Variants in CD40 observed in about 807,000 individuals in gnomAD.
CD40 encodes the protein CD40 molecule, also known as tumor necrosis factor receptor superfamily member 5.
Under a neutral mutation model 38.5 loss-of-function variants are expected in CD40, and 19 were observed. The observed-to-expected ratio is 0.49, with a 90% CI of 0.34 to 0.72. CD40 has a LOEUF of 0.72. Ranked by LOEUF, CD40 falls within the 30% of genes least tolerant of loss-of-function variation. The probability of loss-of-function intolerance (pLI) is 0.01; values close to 1 mark genes in which losing one functional copy is unlikely to be tolerated. For synonymous variants in CD40, 130 were observed against 128.7 expected (o/e 1.01, Z -0.07); for missense variants, 256 against 344.1 (o/e 0.74, Z 2.03).
At chr20:46,118,462 C>T (rs1400940499) in intron 1 of CD40, 68 bp downstream of exon 1, 1 of 1,231,740 alleles carries the variant, frequency 8.1e-7, no homozygotes, top group Non-Finnish European at 1.1e-6. Flanking sequence ...GGAAGGAAGA[C>T]TTCGGGGAAG....
chr20:46,121,784 T>A (rs1330813251), intron 1 of CD40, 36 bp from the exon 2 acceptor site: 8 of 1,544,292 alleles, frequency 5.2e-6, no homozygotes, highest in Non-Finnish European at 7.2e-6. Flanking sequence ...AACGGAGATT[T>A]CAAGATCCCT....
intron 6 of CD40, among the ~76,000 whole-genome samples, chr20:46,127,749 G>A (rs980035298): frequency 2.0e-5 from 3 of 152,024 alleles, no homozygotes; most frequent in Non-Finnish European, 2.9e-5. Context: ...GCTAGACCTC[G>A]GCATTGGGCA....
Position 46,122,159 on chromosome 20 carries a change from C to T in CD40, c.131-74C>T. The T allele has an allele frequency of 6.4e-7, 1 of 1,565,560 alleles. No homozygotes were observed. The highest frequency in any genetic ancestry group is 2.2e-5 in the East Asian group (1 of 44,676). The stretch of plus-strand genomic sequence containing the variant: ...TTGAATCCCCTACCCTAAAGCCTGG[C>T]CTGATCATTGTGTGGTTAGTGTCTG... On this transcript the variant is annotated intron_variant, in intron 2 of 8. Coordinates refer to ENST00000372285, the MANE Select transcript of CD40 (RefSeq NM_001250.6). This position sits in a 1 kb window ranked among gnomAD's most constrained non-coding sequence, Gnocchi z 5.0.
At chr20:46,127,199 C>G (rs1278558394) in intron 6 of CD40, 1 of 165,842 alleles carries the variant, frequency 6.0e-6, no homozygotes, top group Non-Finnish European at 1.3e-5. Context: ...GTACTTTCCT[C>G]TTTGTAGGGC....
Position 46,129,275 on chromosome 20 carries a change from A to G in CD40, c.*235A>G, listed in dbSNP as rs1336301213. On this transcript the variant is annotated 3_prime_UTR_variant, in exon 9 of 9. Transcript: ENST00000372285. ...GAGCCCATCCAGTCTCCCAACTTGT[A>G]TTAAAGACAGAGGCAGAAGTTTGGT... The G allele has an allele frequency of 1.1e-5, 6 of 555,712 alleles. No homozygotes were observed. The highest frequency in any genetic ancestry group is 8.4e-5 in the Admixed American group (3 of 35,792). 34.4% of individuals were successfully genotyped at this position (555,712 alleles called of 1,614,324 possible).
chr20:46,128,900 G>T lies in CD40; in HGVS notation c.694G>T (p.Glu232Ter). Residue 232 changes from glutamate to a stop codon, truncating the protein, a stop_gained, in exon 9 of 9, where the codon GAA becomes TAA. Coordinates refer to ENST00000372285, the MANE Select transcript of CD40 (RefSeq NM_001250.6). LOFTEE classifies it low-confidence loss of function (END_TRUNC). ...PTNKAPHPKQ[E>*]PQEINFPDDL... ...TCTCCAGGCCCCCCACCCCAAGCAG[G>T]AACCCCAGGAGATCAATTTTCCCGA... 1 of 1,614,124 alleles carries T rather than the reference G, an allele frequency of 6.2e-7. No individual in the cohort carries two copies. Among genetic ancestry groups the T allele is most frequent in the Non-Finnish European group, 8.5e-7 (1 of 1,179,996 alleles).
At chr20:46,128,257 G>A in intron 7 of CD40, 33 bp downstream of exon 7, 1 of 1,613,162 alleles carries the variant, frequency 6.2e-7, no homozygotes, top group Non-Finnish European at 8.5e-7. Context: ...GTTGGGGGAG[G>A]GAGGGGAGAC....
intron 6 of CD40, among the ~76,000 whole-genome samples, chr20:46,127,796 G>C (rs2085466485): frequency 6.6e-6 from 1 of 152,186 alleles, no homozygotes; most frequent in Admixed American, 6.5e-5. Flanking sequence ...GTGAGCAGGT[G>C]GTGACAGCCA....
intron 1 of CD40, among the ~76,000 whole-genome samples, chr20:46,121,551 A>G (rs2085318059): frequency 1.3e-5 from 2 of 152,182 alleles, no homozygotes; most frequent in South Asian, 4.1e-4. Flanking sequence ...ATCAAGCCCC[A>G]AGGAATTCTG....
At chr20:46,128,810 TCCC>T (rs2085493081) in intron 8 of CD40, 69 bp from the exon 9 acceptor site, 4 of 1,536,252 alleles carry the variant, frequency 2.6e-6, no homozygotes, top group Non-Finnish European at 3.6e-6. Context: ...GGGATCCGCT[TCCC>T]AGGGAGGGGC....
rs1169462837 is a variant in CD40, at chr20:46,123,211, T to A, written c.489T>A (p.Pro163=). The part of the protein sequence containing the change: ...NVSSAFEKCH[P]WTSCETKDLV... ...CATCTGCTTTCGAAAAATGTCACCC[T>A]TGGACAAGGTATAAGCACTCATCCC... The change falls in exon 5 of 9, where the codon CCT becomes CCA. Residue 163 remains proline, a synonymous_variant. Transcript: ENST00000372285. 1.2e-6 allele frequency: 2 copies of A among 1,613,278 alleles called. No homozygotes were observed. The highest frequency in any genetic ancestry group is 1.6e-4 in the Middle Eastern group (1 of 6,062).
Position 46,122,672 on chromosome 20 carries a change from G to C in CD40, c.319G>C (p.Glu107Gln). 1 of 1,614,186 alleles carries C rather than the reference G, an allele frequency of 6.2e-7. No homozygotes were observed. Among genetic ancestry groups the C allele is most frequent in the Non-Finnish European group, 8.5e-7 (1 of 1,180,034 alleles). Reference protein sequence around the residue: ...SETDTICTCEEGWHCTSEACE... With the variant: ...SETDTICTCEQGWHCTSEACE... ...AACAGACACCATCTGCACCTGTGAA[G>C]AAGGCTGGCACTGTACGAGTGAGGC... The change falls in exon 4 of 9, where the codon GAA (glutamate) becomes CAA (glutamine). Residue 107 changes from glutamate (E) to glutamine (Q), a missense_variant. Glu to Gln is a conservative substitution (Grantham distance 29). Coordinates refer to ENST00000372285, the MANE Select transcript of CD40 (RefSeq NM_001250.6). The surrounding 1 kb of genome is among the most constrained non-coding windows in gnomAD (Gnocchi z 5.0).
intron 5 of CD40, among the ~76,000 whole-genome samples, chr20:46,125,798 G>A (rs1462631374): frequency 6.6e-6 from 1 of 152,154 alleles, no homozygotes; most frequent in African/African-American, 2.4e-5. Flanking sequence ...CACTAGTGAA[G>A]TCGCCTGGTT....
At position 46,122,698 on chromosome 20, in the gene CD40, C is replaced by T. The variant is rs147816161; in HGVS notation, c.345C>T (p.Ala115=). The T allele has an allele frequency of 1.2e-6, 2 of 1,614,138 alleles. No homozygotes were observed. The highest frequency in any genetic ancestry group is 1.7e-6 in the Non-Finnish European group (2 of 1,180,034). ...AAGGCTGGCACTGTACGAGTGAGGC[C>T]TGTGAGAGCTGTGTCCTGCACCGCT... ...CEEGWHCTSE[A]CESCVLHRSC... Residue 115 remains alanine (A), a synonymous_variant, in exon 4 of 9, where the codon GCC becomes GCT. Transcript: ENST00000372285. The surrounding 1 kb of genome is among the most constrained non-coding windows in gnomAD (Gnocchi z 5.0).
In CD40 at chr20:46,127,776, G is replaced by A. The variant is rs544274208; in HGVS notation, c.560-362G>A. 3.2e-4 allele frequency among the ~76,000 whole-genome samples: 49 copies of A among 152,242 alleles called. No homozygotes were observed. The South Asian group carries it at 9.5e-3, about 30-fold the overall frequency. On this transcript the variant is annotated intron_variant, in intron 6 of 8. Transcript: ENST00000372285. ...CATTGGGCAGAGAGCAGGGAGTGGCGGGGAGCATGGTGAGCAGGTGGTGAC... is the reference window on the plus strand; with the variant it reads ...CATTGGGCAGAGAGCAGGGAGTGGCAGGGAGCATGGTGAGCAGGTGGTGAC...
At position 46,128,215 on chromosome 20, in the gene CD40, G is replaced by A; in HGVS notation, c.637G>A (p.Val213Ile). Residue 213 changes from valine (V) to isoleucine (I), a missense_variant, in exon 7 of 9, where the codon GTC becomes ATC. Val to Ile is a conservative substitution (Grantham distance 29). Coordinates refer to ENST00000372285, the MANE Select transcript of CD40 (RefSeq NM_001250.6). ...CCTGTTTGCCATCCTCTTGGTGCTG[G>A]TCTTTATCAGTGAGTCCTCAGGTGG... Reference protein sequence around the residue: ...GILFAILLVLVFIKKVAKKPT... With the variant: ...GILFAILLVLIFIKKVAKKPT... 6.2e-7 allele frequency: 1 copy of A among 1,613,170 alleles called. No homozygotes were observed. Among genetic ancestry groups the A allele is most frequent in the South Asian group, 1.1e-5 (1 of 91,002 alleles).
At position 46,122,695 on chromosome 20, in the gene CD40, G is replaced by T. The variant is rs2145593303; in HGVS notation, c.342G>T (p.Glu114Asp). Residue 114 changes from glutamate (E) to aspartate (D), a missense_variant, in exon 4 of 9, where the codon GAG becomes GAT. Coordinates refer to ENST00000372285, the MANE Select transcript of CD40 (RefSeq NM_001250.6). This position sits in a 1 kb window ranked among gnomAD's most constrained non-coding sequence, Gnocchi z 5.0. Reference sequence around the variant, plus strand: ...AAGAAGGCTGGCACTGTACGAGTGAGGCCTGTGAGAGCTGTGTCCTGCACC... The same window carrying T: ...AAGAAGGCTGGCACTGTACGAGTGATGCCTGTGAGAGCTGTGTCCTGCACC... ...TCEEGWHCTSEACESCVLHRS... is the reference protein window; with the variant it reads ...TCEEGWHCTSDACESCVLHRS... 5 of 1,614,168 alleles carry T rather than the reference G, an allele frequency of 3.1e-6. No homozygotes were observed. In the East Asian group the frequency reaches 1.1e-4, roughly 36 times the overall value.
At chr20:46,121,987 T>C in intron 2 of CD40, 89 bp downstream of exon 2, 2 of 1,199,054 alleles carry the variant, frequency 1.7e-6, no homozygotes, top group East Asian at 2.3e-5. Flanking sequence ...TAAACTCAAA[T>C]CTGAAACGAC....
At chr20:46,124,765 T>C (rs879902807) in intron 5 of CD40, among the ~76,000 whole-genome samples, 1 of 105,126 alleles carries the variant, frequency 9.5e-6, no homozygotes, top group African/African-American at 3.8e-5. Context: ...TTTTTTTTTT[T>C]TTTTTTTTTT....
Sources: gnomAD v4.1 joint callset for allele counts (sites outside exome capture counted in the v4.1 genomes callset) on GRCh38, gnomAD v4.1.1 for gene constraint, Gnocchi (gnomAD v3.1) non-coding constraint, MANE v1.5 for transcripts, NCBI Gene and HGNC (gene_info 2026-07-23, HGNC 2026-07-21) for gene names.